RAD18: variants seen among roughly 807,000 people sequenced by gnomAD.
RAD18 encodes the protein E3 ubiquitin-protein ligase RAD18.
Under a neutral mutation model 60.4 loss-of-function variants are expected in RAD18, and 47 were observed. The ratio of observed to expected loss-of-function variants is 0.78; its 90% CI spans 0.62 to 0.99. The LOEUF (loss-of-function observed/expected upper bound fraction) is 0.99. RAD18 is among the 50% of genes least tolerant of loss of function. The probability of loss-of-function intolerance (pLI) is 0.00; values close to 1 mark genes in which losing one functional copy is unlikely to be tolerated. For missense variants in RAD18, 640 were observed against 593.3 expected (o/e 1.08, Z -0.82); for synonymous variants, 225 against 195.5 (o/e 1.15, Z -1.26).
intron 9 of RAD18, among the ~76,000 whole-genome samples, chr3:8,905,294 G>A (rs1939984634): frequency 1.3e-5 from 2 of 152,162 alleles, no homozygotes; most frequent in South Asian, 4.1e-4. Flanking sequence ...GCCTCTCTAA[G>A]TTTAAATGTA....
At chr3:8,906,124 A>G (rs1035542216) in intron 9 of RAD18, among the ~76,000 whole-genome samples, 1 of 152,228 alleles carries the variant, frequency 6.6e-6, no homozygotes, top group East Asian at 1.9e-4. Flanking sequence ...TAATGAAATA[A>G]TAAAGAGAAT....
chr3:8,884,846 T>G (rs1426757871), intron 12 of RAD18, among the ~76,000 whole-genome samples: 2 of 152,208 alleles, frequency 1.3e-5, no homozygotes, highest in Non-Finnish European at 2.9e-5. Flanking sequence ...CACATTTTTT[T>G]CCATGCATGT....
Position 8,928,251 on chromosome 3 carries a change from A to G in RAD18, c.889+7620T>C, listed in dbSNP as rs1325839135. Among the ~76,000 whole-genome samples the G allele has an allele frequency of 2.0e-5, 3 of 151,942 alleles. No individual in the cohort carries two copies. The East Asian group carries it at 5.8e-4, about 29-fold the overall frequency. On this transcript the variant is annotated intron_variant, in intron 7 of 12. Transcript: ENST00000264926. ...AACTAAAAAATACTCAGTTAATCCA[A>G]AAAAAAGCAGGAAATGAAGAAAAAA...
intron 2 of RAD18, among the ~76,000 whole-genome samples, chr3:8,955,876 C>T (rs988731371): frequency 1.6e-4 from 24 of 152,222 alleles, no homozygotes; most frequent in African/African-American, 5.8e-4. Flanking sequence ...TATACACAGG[C>T]GAGACATTCC....
At chr3:8,920,457 C>T (rs1940298075) in intron 7 of RAD18, among the ~76,000 whole-genome samples, 1 of 151,984 alleles carries the variant, frequency 6.6e-6, no homozygotes, top group Admixed American at 6.6e-5. Flanking sequence ...CCAAAGGATG[C>T]TAAATATAGG....
chr3:8,941,361 G>A, intron 5 of RAD18, 106 bp downstream of exon 5: 1 of 999,064 alleles, frequency 1.0e-6, no homozygotes, highest in South Asian at 1.7e-5. Flanking sequence ...GTAAAATCTG[G>A]TTTGTCCTTT....
intron 12 of RAD18, among the ~76,000 whole-genome samples, chr3:8,882,374 A>G (rs1426378896): frequency 6.6e-6 from 1 of 152,172 alleles, no homozygotes; most frequent in Non-Finnish European, 1.5e-5. Flanking sequence ...CCTCTACCTT[A>G]CAGGAGGGGC....
rs1940572458 is a variant in RAD18, at chr3:8,932,167, TA to T, written c.889+3703del. Among the ~76,000 whole-genome samples, 6 of 152,074 alleles carry T rather than the reference TA, an allele frequency of 3.9e-5. No homozygotes were observed. The South Asian group carries it at 1.0e-3, about 26-fold the overall frequency. On this transcript the variant is annotated intron_variant, in intron 7 of 12. Coordinates refer to ENST00000264926, the MANE Select transcript of RAD18 (RefSeq NM_020165.4). ...AATGATACACAAGAAGCATAAATCATAAAAAAAGTAAATTAAATTTCGTCAA... is the reference window on the plus strand; with the variant it reads ...AATGATACACAAGAAGCATAAATCATAAAAAAGTAAATTAAATTTCGTCAA...
At chr3:8,900,785 T>C (rs1939896577) in intron 10 of RAD18, among the ~76,000 whole-genome samples, 1 of 152,208 alleles carries the variant, frequency 6.6e-6, no homozygotes, top group African/African-American at 2.4e-5. Flanking sequence ...TCTGTCTTCA[T>C]CTCTCTCACA....
chr3:8,882,511 C>T (rs1178083827), intron 12 of RAD18, among the ~76,000 whole-genome samples: 3 of 152,116 alleles, frequency 2.0e-5, no homozygotes. Flanking sequence ...GCACACAGGG[C>T]CTACCTAAGA....
intron 4 of RAD18, 126 bp from the exon 5 acceptor site, chr3:8,941,930 C>T (rs377265965): frequency 8.7e-5 from 75 of 865,726 alleles, no homozygotes; most frequent in South Asian, 6.4e-4. Context: ...ATAATGACAA[C>T]CAAACCAAAG....
chr3:8,911,834 G>A (rs929057410), intron 9 of RAD18, among the ~76,000 whole-genome samples: 15 of 152,166 alleles, frequency 9.9e-5, no homozygotes, highest in African/African-American at 3.6e-4. Context: ...TAATGTGTTA[G>A]CCCTGGGAAA....
intron 5 of RAD18, among the ~76,000 whole-genome samples, 178 bp downstream of exon 5, chr3:8,941,289 C>A (rs1241955396): frequency 6.6e-6 from 1 of 152,186 alleles, no homozygotes; most frequent in Non-Finnish European, 1.5e-5. Flanking sequence ...AGCCTGAATT[C>A]CTGTTTCTGA....
intron 4 of RAD18, 125 bp downstream of exon 4, chr3:8,947,095 A>T: frequency 1.4e-6 from 1 of 726,848 alleles, no homozygotes; most frequent in Non-Finnish European, 2.3e-6. Flanking sequence ...AATGACTGTT[A>T]CTTCCCTTCT....
At chr3:8,914,162 C>T (rs1339374530) in intron 7 of RAD18, among the ~76,000 whole-genome samples, 1 of 152,202 alleles carries the variant, frequency 6.6e-6, no homozygotes, top group African/African-American at 2.4e-5. Flanking sequence ...GTCCTTGCCT[C>T]CAGAACCTTT....
intron 2 of RAD18, among the ~76,000 whole-genome samples, chr3:8,956,858 TTAATG>T (rs1427574513): frequency 6.6e-6 from 1 of 152,116 alleles, no homozygotes; most frequent in Non-Finnish European, 1.5e-5. Flanking sequence ...AACATCATAC[TTAATG>T]GTAAAAGACT....
At chr3:8,899,316 A>T (rs1182912955) in intron 10 of RAD18, among the ~76,000 whole-genome samples, 1 of 152,186 alleles carries the variant, frequency 6.6e-6, no homozygotes, top group African/African-American at 2.4e-5. Flanking sequence ...TTGTAATTCT[A>T]ATGAGGCCTC....
At chr3:8,941,010 G>A (rs989581281) in intron 5 of RAD18, among the ~76,000 whole-genome samples, 15 of 152,218 alleles carry the variant, frequency 9.9e-5, no homozygotes, top group African/African-American at 3.6e-4. Context: ...GGAACAGTGG[G>A]GAGGCTAGAG....
At position 8,935,961 on chromosome 3, in the gene RAD18, T is replaced by A. The variant is rs1242136255; in HGVS notation, c.799A>T (p.Ile267Phe). ...ATGAGCTGTTGTTTATTTCCTTGAATAGATAATCCATGCTCTTTTAGCTTT... is the reference window on the plus strand; with the variant it reads ...ATGAGCTGTTGTTTATTTCCTTGAAAAGATAATCCATGCTCTTTTAGCTTT... ...KKKLKEHGLSIQGNKQQLIKR... is the reference protein window; with the variant it reads ...KKKLKEHGLSFQGNKQQLIKR... Residue 267 changes from isoleucine (I) to phenylalanine (F), a missense_variant, in exon 7 of 13, where the codon ATT (isoleucine) becomes TTT (phenylalanine). Ile to Phe is a conservative substitution (Grantham distance 21). Coordinates refer to ENST00000264926, the MANE Select transcript of RAD18 (RefSeq NM_020165.4). The A allele has an allele frequency of 9.9e-6, 16 of 1,611,196 alleles. No individual in the cohort carries two copies. The highest frequency in any genetic ancestry group is 1.4e-5 in the Non-Finnish European group (16 of 1,177,520).
Sources: allele counts gnomAD v4.1 joint callset (sites outside exome capture counted in the v4.1 genomes callset), GRCh38; gene constraint gnomAD v4.1.1; transcripts MANE v1.5; gene names NCBI Gene and HGNC (gene_info 2026-07-23, HGNC 2026-07-21).